The following DPP10 variants were observed in gnomAD, a reference collection of about 807,000 sequenced individuals.
The protein encoded by DPP10 is inactive dipeptidyl peptidase 10.
In DPP10, 33 loss-of-function variants were observed where a neutral mutation model predicts 120.9. The ratio of observed to expected loss-of-function variants is 0.27; its 90% CI spans 0.21 to 0.37. The LOEUF (loss-of-function observed/expected upper bound fraction) is 0.37. Ranked by LOEUF, DPP10 falls within the 10% of genes least tolerant of loss-of-function variation. The pLI is 1.00. For missense variants in DPP10, 816 were observed against 942.8 expected (o/e 0.87, Z 1.76); for synonymous variants, 337 against 326.1 (o/e 1.03, Z -0.36).
chr2:115,506,006 A>AT (rs2076921374), intron 4 of DPP10, among the ~76,000 whole-genome samples: 1 of 126,084 alleles, frequency 7.9e-6, no homozygotes, highest in Admixed American at 9.1e-5. Context: ...ATAAAATAAT[A>AT]AAACACTCAG....
intron 5 of DPP10, among the ~76,000 whole-genome samples, chr2:115,564,063 C>T (rs989670423): frequency 2.0e-5 from 3 of 152,120 alleles, no homozygotes; most frequent in Non-Finnish European, 4.4e-5. Flanking sequence ...TCTGTGCCCC[C>T]TTCTGGAAGC....
At chr2:115,145,995 A>T (rs2051202673) in intron 1 of DPP10, among the ~76,000 whole-genome samples, 1 of 152,144 alleles carries the variant, frequency 6.6e-6, no homozygotes, top group Non-Finnish European at 1.5e-5. Context: ...TGTACTAGGC[A>T]CTATGCAGAG....
intron 1 of DPP10, among the ~76,000 whole-genome samples, chr2:114,803,631 TG>T (rs1212065089): frequency 6.6e-6 from 1 of 152,132 alleles, no homozygotes; most frequent in Non-Finnish European, 1.5e-5. Context: ...AAGAGACTGG[TG>T]GTATTTTGCC....
chr2:114,767,127 AGCT>A (rs1394785415), intron 1 of DPP10, among the ~76,000 whole-genome samples: 2 of 148,130 alleles, frequency 1.4e-5, no homozygotes, highest in South Asian at 2.1e-4. Flanking sequence ...AAAAGCTTAA[AGCT>A]AAAATTAAAA....
Position 115,056,350 on chromosome 2 carries a change from G to T in DPP10, c.61-252889G>T, listed in dbSNP as rs1154714. Among the ~76,000 whole-genome samples the T allele has an allele frequency of 1.4e-4, 21 of 152,240 alleles. No individual in the cohort carries two copies. The East Asian group carries it at 4.1e-3, about 29-fold the overall frequency. ...ACATGGGTCACTGAAGGCACACCAT[G>T]ATTATAGGTTCTGAATAGCTTTTTT... On this transcript the variant is annotated intron_variant, in intron 1 of 25. Coordinates refer to ENST00000410059, the MANE Select transcript of DPP10 (RefSeq NM_020868.6).
At chr2:115,539,434 A>C (rs914294940) in intron 5 of DPP10, among the ~76,000 whole-genome samples, 4 of 151,988 alleles carry the variant, frequency 2.6e-5, no homozygotes, top group Non-Finnish European at 4.4e-5. Flanking sequence ...GAAGTCAGTG[A>C]GCCTTTTTCT....
At chr2:115,227,685 T>G (rs951937221) in intron 1 of DPP10, among the ~76,000 whole-genome samples, 2 of 152,160 alleles carry the variant, frequency 1.3e-5, no homozygotes, top group Admixed American at 6.6e-5. Flanking sequence ...CTTTCAGGAT[T>G]GGTTTCCAAA....
intron 11 of DPP10, among the ~76,000 whole-genome samples, chr2:115,761,192 AGGCTGAGTTCAAGACCTACCTG>A (rs1484734530): frequency 5.3e-5 from 8 of 151,198 alleles, no homozygotes; most frequent in Admixed American, 5.3e-4. Flanking sequence ...GAATGGCTTG[AGGCTGAGTTCAAGACCTACCTG>A]GGCAACATAA....
At chr2:114,691,198 G>A (rs973280888) in intron 1 of DPP10, among the ~76,000 whole-genome samples, 3 of 151,958 alleles carry the variant, frequency 2.0e-5, no homozygotes, top group African/African-American at 7.2e-5. Context: ...ATTAGCTGTG[G>A]GTTTGTTATA....
chr2:115,047,602 G>A (rs191719190), intron 1 of DPP10, among the ~76,000 whole-genome samples: 265 of 151,866 alleles, frequency 1.7e-3, no homozygotes, highest in Middle Eastern at 6.8e-3. Context: ...AATAACAATA[G>A]CCAATGTGAA....
At chr2:114,778,608 C>T (rs769373160) in intron 1 of DPP10, among the ~76,000 whole-genome samples, 4 of 151,950 alleles carry the variant, frequency 2.6e-5, no homozygotes, top group South Asian at 2.1e-4. Flanking sequence ...CCACTGACTC[C>T]GTTAATCTGA....
At chr2:114,919,686 A>G (rs1191043390) in intron 1 of DPP10, among the ~76,000 whole-genome samples, 1 of 152,194 alleles carries the variant, frequency 6.6e-6, no homozygotes, top group Non-Finnish European at 1.5e-5. Flanking sequence ...TGCTTCTAAG[A>G]AAACACCTCA....
chr2:114,883,688 T>G (rs1691828697), intron 1 of DPP10, among the ~76,000 whole-genome samples: 2 of 152,252 alleles, frequency 1.3e-5, no homozygotes, highest in South Asian at 4.1e-4. Context: ...ATCCTGCTAT[T>G]AAAAAGCAAC....
rs574782645 is a variant in DPP10, at chr2:114,964,744, A to T, written c.61-344495A>T. Reference sequence around the variant, plus strand: ...CAGATCACATGGAACCTTTAGGGTCATGGTGAAGGTTTTGGCTTTTCCTCT... The same window carrying T: ...CAGATCACATGGAACCTTTAGGGTCTTGGTGAAGGTTTTGGCTTTTCCTCT... On this transcript the variant is annotated intron_variant, in intron 1 of 25. Transcript: ENST00000410059. 4.6e-5 allele frequency among the ~76,000 whole-genome samples: 7 copies of T among 152,346 alleles called. No individual in the cohort carries two copies. In the South Asian group the frequency reaches 1.4e-3, roughly 32 times the overall value.
chr2:115,639,487 C>T lies in DPP10; in HGVS notation c.442-50200C>T, dbSNP rs543320031. ...AACGAAGTCAGGTGCAGTAGACAAA[C>T]ATCTGTCCTGGTGTTATAGGTTGTG... On this transcript the variant is annotated intron_variant, in intron 5 of 25. Transcript: ENST00000410059. 1.8e-3 allele frequency among the ~76,000 whole-genome samples: 276 copies of T among 152,252 alleles called. 1 individual carries two copies. The highest frequency in any genetic ancestry group is 3.2e-3 in the Non-Finnish European group (221 of 68,006).
chr2:115,521,754 TCTAA>T (rs2077825463), intron 4 of DPP10, among the ~76,000 whole-genome samples: 1 of 152,174 alleles, frequency 6.6e-6, no homozygotes, highest in African/African-American at 2.4e-5. Flanking sequence ...TGTCATCAAA[TCTAA>T]CTAGTTTTTC....
At chr2:115,734,059 C>T (rs2092974385) in intron 8 of DPP10, among the ~76,000 whole-genome samples, 1 of 152,178 alleles carries the variant, frequency 6.6e-6, no homozygotes, top group South Asian at 2.1e-4. Flanking sequence ...TATTTACCAC[C>T]TTCCCATTCC....
At chr2:114,970,931 C>T (rs1414596422) in intron 1 of DPP10, among the ~76,000 whole-genome samples, 1 of 152,080 alleles carries the variant, frequency 6.6e-6, no homozygotes, top group African/African-American at 2.4e-5. Context: ...AACTTCCAGA[C>T]TAGGAAGCTG....
intron 1 of DPP10, among the ~76,000 whole-genome samples, chr2:114,750,579 C>T (rs940613087): frequency 9.2e-5 from 14 of 152,068 alleles, no homozygotes; most frequent in Admixed American, 4.6e-4. Context: ...GTGATCCGCC[C>T]GCCTCAGCCT....
Sources: allele counts gnomAD v4.1 joint callset (sites outside exome capture counted in the v4.1 genomes callset), GRCh38; gene constraint gnomAD v4.1.1; transcripts MANE v1.5; gene names NCBI Gene and HGNC (gene_info 2026-07-23, HGNC 2026-07-21).